PDE1A: variants seen among roughly 807,000 people sequenced by gnomAD.
The protein encoded by PDE1A is dual specificity calcium/calmodulin-dependent 3',5'-cyclic nucleotide phosphodiesterase 1A.
PDE1A carries 35 observed loss-of-function variants against 61.7 expected under a neutral mutation model. The observed-to-expected ratio is 0.57, with a 90% CI of 0.43 to 0.75. The LOEUF (loss-of-function observed/expected upper bound fraction) is 0.75, where lower values mean the gene tolerates loss of function less well. Among genes scored for constraint, PDE1A ranks in the 30% least tolerant of loss-of-function variants. The probability of loss-of-function intolerance (pLI) is 0.00; values close to 1 mark genes in which losing one functional copy is unlikely to be tolerated. For missense variants in PDE1A, 597 were observed against 630.6 expected (o/e 0.95, Z 0.57); for synonymous variants, 232 against 213.2 (o/e 1.09, Z -0.77).
chr2:182,280,654 T>C (rs1419208858), intron 1 of PDE1A, among the ~76,000 whole-genome samples: 1 of 151,966 alleles, frequency 6.6e-6, no homozygotes, highest in Non-Finnish European at 1.5e-5. Flanking sequence ...CTATTCCTTC[T>C]GTTTACATTT....
At chr2:182,240,223 G>A (rs1426825368) in exon 3 of PDE1A, 1 of 1,613,660 alleles carries the variant, frequency 6.2e-7, no homozygotes, top group Non-Finnish European at 8.5e-7. Context: ...AAGCCAACCA[G>A]TCCCGGACTT....
intron 1 of PDE1A, among the ~76,000 whole-genome samples, chr2:182,266,059 GAAA>G (rs1290434772): frequency 1.3e-5 from 2 of 151,622 alleles, no homozygotes; most frequent in East Asian, 3.9e-4. Flanking sequence ...TTCTCTATGG[GAAA>G]AAAAAGACAC....
chr2:182,299,853 C>T (rs1048353686), intron 1 of PDE1A, among the ~76,000 whole-genome samples: 1 of 152,116 alleles, frequency 6.6e-6, no homozygotes, highest in Non-Finnish European at 1.5e-5. Flanking sequence ...TCTGAAGGGA[C>T]CTTGATCATT....
intron 2 of PDE1A, among the ~76,000 whole-genome samples, chr2:182,444,046 T>C (rs1025017483): frequency 1.3e-5 from 2 of 152,134 alleles, no homozygotes; most frequent in African/African-American, 4.8e-5. Context: ...GGTACTTATG[T>C]ATAGCAATAT....
chr2:182,502,378 A>G (rs1382730789), intron 2 of PDE1A, among the ~76,000 whole-genome samples: 1 of 151,610 alleles, frequency 6.6e-6, no homozygotes, highest in African/African-American at 2.4e-5. Context: ...CTGTGTCTCC[A>G]TTGTTTTTCT....
intron 1 of PDE1A, among the ~76,000 whole-genome samples, chr2:182,292,339 T>A (rs1574269559): frequency 6.6e-6 from 1 of 152,012 alleles, no homozygotes; most frequent in Non-Finnish European, 1.5e-5. Context: ...TGTCTATAGA[T>A]CTAACAATTT....
chr2:182,411,560 TACAA>T (rs913459203), intron 1 of PDE1A, among the ~76,000 whole-genome samples: 1 of 152,178 alleles, frequency 6.6e-6, no homozygotes, highest in African/African-American at 2.4e-5. Context: ...TAGTAGATAC[TACAA>T]ACAGTTTTTC....
Position 182,470,704 on chromosome 2 carries a change from A to G in PDE1A, c.101+51572T>C, listed in dbSNP as rs1447487426. Among the ~76,000 whole-genome samples, 3 of 151,784 alleles carry G rather than the reference A, an allele frequency of 2.0e-5. No individual in the cohort carries two copies. The Admixed American group carries it at 2.0e-4, about 10-fold the overall frequency. On this transcript the variant is annotated intron_variant, in intron 2 of 14. Transcript: ENST00000410103. ...GAATGGGAAGAAGTCATCCTGTGAA[A>G]TGAGGGTAGATGCAAGAGACAGTAT... is the stretch of plus-strand genomic sequence containing the variant.
intron 1 of PDE1A, among the ~76,000 whole-genome samples, chr2:182,265,166 C>T (rs1692539591): frequency 6.6e-6 from 1 of 151,196 alleles, no homozygotes; most frequent in Non-Finnish European, 1.5e-5. Flanking sequence ...GTACACTGCT[C>T]GGGTGATGGG....
At chr2:182,238,272 AAAAAAAAAAAGAAAAAG>A in intron 3 of PDE1A, among the ~76,000 whole-genome samples, 2 of 151,020 alleles carry the variant, frequency 1.3e-5, no homozygotes, top group Admixed American at 1.3e-4. Context: ...ACGTCAAAAA[AAAAAAAAAAAGAAAAAG>A]AAAAAGAAAA....
the PDE1A span, among the ~76,000 whole-genome samples, chr2:182,545,513 T>G: frequency 2.0e-5 from 3 of 152,214 alleles, no homozygotes; most frequent in Admixed American, 6.5e-5. Flanking sequence ...ATAACTCTGA[T>G]GGATACAAAT....
intron 13 of PDE1A, among the ~76,000 whole-genome samples, chr2:182,173,519 G>C (rs571643877): frequency 7.7e-4 from 116 of 151,448 alleles, no homozygotes; most frequent in Middle Eastern, 6.8e-3. Flanking sequence ...AAGCTGAAGA[G>C]GTTAAATTGG....
intron 2 of PDE1A, among the ~76,000 whole-genome samples, chr2:182,469,473 G>A (rs956573124): frequency 3.9e-5 from 6 of 151,920 alleles, no homozygotes; most frequent in South Asian, 2.1e-4. Flanking sequence ...GCCTTGCTCC[G>A]AATTAGGCTT....
intron 3 of PDE1A, among the ~76,000 whole-genome samples, chr2:182,239,355 T>C (rs1171316693): frequency 6.6e-6 from 1 of 152,224 alleles, no homozygotes; most frequent in African/African-American, 2.4e-5. Context: ...TAATTATTTT[T>C]TAATCTAAGG....
intron 2 of PDE1A, among the ~76,000 whole-genome samples, chr2:182,510,013 C>T (rs1689682511): frequency 6.6e-6 from 1 of 151,984 alleles, no homozygotes; most frequent in Non-Finnish European, 1.5e-5. Context: ...GACTCTGGTG[C>T]TTAGAGATTT....
chr2:182,661,301 G>A, the PDE1A span, among the ~76,000 whole-genome samples: 1 of 152,148 alleles, frequency 6.6e-6, no homozygotes, highest in Non-Finnish European at 1.5e-5. Context: ...AATTTTCTGA[G>A]ATTTTTATGC....
intron 13 of PDE1A, among the ~76,000 whole-genome samples, chr2:182,176,448 T>C (rs1249769345): frequency 7.1e-5 from 10 of 140,962 alleles, no homozygotes; most frequent in Admixed American, 6.9e-4. Flanking sequence ...TTTGAAGCAA[T>C]TGTGAATGGG....
At chr2:182,587,816 G>T in the PDE1A span, among the ~76,000 whole-genome samples, 13 of 152,190 alleles carry the variant, frequency 8.5e-5, no homozygotes, top group East Asian at 2.3e-3. Flanking sequence ...ATAAGCAATG[G>T]ATTTAGTCTT....
the PDE1A span, among the ~76,000 whole-genome samples, chr2:182,541,523 C>G: frequency 2.0e-5 from 3 of 152,094 alleles, no homozygotes; most frequent in African/African-American, 2.4e-5. Context: ...AGAGGAAATA[C>G]ATGTAACATG....
Sources: gnomAD v4.1 joint callset for allele counts (sites outside exome capture counted in the v4.1 genomes callset) on GRCh38, gnomAD v4.1.1 for gene constraint, MANE v1.5 for transcripts, NCBI Gene and HGNC (gene_info 2026-07-23, HGNC 2026-07-21) for gene names.